The following ZYG11A variants were observed in gnomAD, a reference collection of about 807,000 sequenced individuals.
The protein encoded by ZYG11A is zyg-11 family member A, cell cycle regulator.
ZYG11A carries 62 observed loss-of-function variants against 77.2 expected under a neutral mutation model. That is an observed-to-expected ratio of 0.80 (90% CI 0.65 to 0.99). ZYG11A has a LOEUF of 0.99. Among genes scored for constraint, ZYG11A ranks in the 50% least tolerant of loss-of-function variants. ZYG11A has a pLI of 0.00. For synonymous variants in ZYG11A, 315 were observed against 324.6 expected (o/e 0.97, Z 0.32); for missense variants, 828 against 896.8 (o/e 0.92, Z 0.98).
intron 11 of ZYG11A, among the ~76,000 whole-genome samples, chr1:52,883,660 C>T (rs1358935265): frequency 6.6e-6 from 1 of 152,014 alleles, no homozygotes; most frequent in East Asian, 1.9e-4. Flanking sequence ...CTCCTGACCT[C>T]AAGGGATCTG....
At chr1:52,853,951 C>T (rs1489618567) in intron 1 of ZYG11A, among the ~76,000 whole-genome samples, 1 of 152,110 alleles carries the variant, frequency 6.6e-6, no homozygotes, top group African/African-American at 2.4e-5. Flanking sequence ...ACAGTATGTT[C>T]TCTCTGACTA....
intron 6 of ZYG11A, among the ~76,000 whole-genome samples, chr1:52,867,221 A>G (rs1646042752): frequency 6.6e-6 from 1 of 152,232 alleles, no homozygotes; most frequent in Admixed American, 6.5e-5. Flanking sequence ...TACTCAGATT[A>G]CAAATTGCTA....
chr1:52,842,983 G>A lies in ZYG11A; in HGVS notation c.90+10G>A, dbSNP rs1645478493. ...CTGCTGCGTGGTACAGGTGAGCACC[G>A]GGGTGCGGGCGGCGACGCGGACCTC... On this transcript the variant is annotated intron_variant, in intron 1 of 13. Coordinates refer to ENST00000371528, the MANE Select transcript of ZYG11A (RefSeq NM_001004339.3). 1.3e-6 allele frequency: 2 copies of A among 1,509,198 alleles called. No individual in the cohort carries two copies. The highest frequency in any genetic ancestry group is 2.3e-5 in the Admixed American group (1 of 44,116). 93.5% of individuals were successfully genotyped at this position (1,509,198 alleles called of 1,614,324 possible).
chr1:52,881,282 T>C (rs566537175), intron 10 of ZYG11A, 189 bp from the exon 11 acceptor site: 3 of 478,716 alleles, frequency 6.3e-6, no homozygotes, highest in Non-Finnish European at 1.1e-5. Context: ...TATTTAGTGA[T>C]TGTTGTTAAT....
intron 8 of ZYG11A, among the ~76,000 whole-genome samples, chr1:52,875,717 T>C (rs1488064921): frequency 6.7e-6 from 1 of 149,500 alleles, no homozygotes; most frequent in Non-Finnish European, 1.5e-5. Context: ...GCTGAATCTC[T>C]GTATGTGCAG....
rs1320106143 is a variant in ZYG11A at position 52,881,669 on chromosome 1, C to T, written c.1944+4C>T. 6.5e-7 allele frequency: 1 copy of T among 1,537,864 alleles called. No homozygotes were observed. Among genetic ancestry groups the T allele is most frequent in the Non-Finnish European group, 8.8e-7 (1 of 1,138,798 alleles). On this transcript the variant is annotated splice_donor_region_variant and intron_variant, in intron 11 of 13. Transcript: ENST00000371528. ...GCGTACTCTTCTCCAAGATCTGGTA[C>T]AGGAACCACATTCTTATTTATAAAA...
intron 11 of ZYG11A, among the ~76,000 whole-genome samples, chr1:52,883,052 T>A (rs1057365829): frequency 2.6e-4 from 39 of 151,950 alleles, no homozygotes; most frequent in Non-Finnish European, 4.9e-4. Context: ...ATCCTGTTTT[T>A]GTTTCATAGT....
rs77502819 is a variant in ZYG11A, at chr1:52,886,770, T to A, written c.2007-186T>A. Among the ~76,000 whole-genome samples the A allele has an allele frequency of 7.3e-3, 1,003 of 137,528 alleles. 8 individuals are homozygous for A. Among genetic ancestry groups the A allele is most frequent in the African/African-American group, 0.026 (942 of 36,712 alleles). 90.2% of individuals were successfully genotyped at this position (137,528 alleles called of 152,430 possible). The stretch of plus-strand genomic sequence containing the variant: ...CCTTGTTGCCTAGGCTGGTCCCGAA[T>A]TCCTAAGCTCAAGCAATCCACCTAC... On this transcript the variant is annotated intron_variant, in intron 12 of 13. Coordinates refer to ENST00000371528, the MANE Select transcript of ZYG11A (RefSeq NM_001004339.3).
At chr1:52,874,211 T>C (rs1646221265) in intron 8 of ZYG11A, among the ~76,000 whole-genome samples, 1 of 147,380 alleles carries the variant, frequency 6.8e-6, no homozygotes, top group Admixed American at 6.8e-5. Flanking sequence ...AAGGCTCAGG[T>C]GGTTTAGCGT....
Position 52,842,879 on chromosome 1 carries a change from T to A in ZYG11A, c.-5T>A. Reference sequence around the variant, plus strand: ...TCTTTTTGACGCCCCGCCGCCGGGGTTGCCATGGTTCATTTCTTGCACCCG... The same window carrying A: ...TCTTTTTGACGCCCCGCCGCCGGGGATGCCATGGTTCATTTCTTGCACCCG... On this transcript the variant is annotated 5_prime_UTR_variant, in exon 1 of 14. In the 5' UTR this introduces an upstream ATG that the reference lacks. Coordinates refer to ENST00000371528, the MANE Select transcript of ZYG11A (RefSeq NM_001004339.3). The A allele has an allele frequency of 6.5e-7, 1 of 1,529,168 alleles. No individual in the cohort carries two copies. The highest frequency in any genetic ancestry group is 8.8e-7 in the Non-Finnish European group (1 of 1,137,650). 94.7% of individuals were successfully genotyped at this position (1,529,168 alleles called of 1,614,324 possible).
chr1:52,860,058 A>AATTG (rs1181418337), intron 3 of ZYG11A, among the ~76,000 whole-genome samples: 2 of 152,250 alleles, frequency 1.3e-5, no homozygotes, highest in East Asian at 3.9e-4. Flanking sequence ...TCTGTTTCAT[A>AATTG]ATTGTTTTGG....
Position 52,857,677 on chromosome 1 carries a change from C to G in ZYG11A, c.936C>G (p.Ala312=), listed in dbSNP as rs532009976. Residue 312 remains alanine, a synonymous_variant, in exon 3 of 14, where the codon GCC becomes GCG. Coordinates refer to ENST00000371528, the MANE Select transcript of ZYG11A (RefSeq NM_001004339.3). ...AVELFIRLRP[A]MQFVGLLATD... ...AACTGTTTATACGACTGCGGCCTGC[C>G]ATGCAATTTGTGGGACTATTGGCCA... The G allele has an allele frequency of 1.9e-6, 3 of 1,552,192 alleles. No individual in the cohort carries two copies. In the Admixed American group the frequency reaches 5.9e-5, roughly 30 times the overall value.
intron 13 of ZYG11A, among the ~76,000 whole-genome samples, 199 bp from the exon 14 acceptor site, chr1:52,892,583 C>A (rs566225207): frequency 6.6e-6 from 1 of 151,876 alleles, no homozygotes; most frequent in Non-Finnish European, 1.5e-5. Context: ...AGTAAACATA[C>A]TAAAATGAGC....
intron 1 of ZYG11A, 118 bp downstream of exon 1, chr1:52,843,091 G>C (rs1645482511): frequency 1.2e-6 from 1 of 866,270 alleles, no homozygotes; most frequent in Non-Finnish European, 1.6e-6. Context: ...GCCCGCGCGG[G>C]GCTGCGGTCT....
At chr1:52,879,243 T>C (rs1342513118) in intron 10 of ZYG11A, among the ~76,000 whole-genome samples, 1 of 152,156 alleles carries the variant, frequency 6.6e-6, no homozygotes, top group Non-Finnish European at 1.5e-5. Flanking sequence ...TACGGATGCA[T>C]GAAATATGTC....
chr1:52,886,699 A>ATTTTTTTTTTTTTTT (rs386366962), intron 12 of ZYG11A, among the ~76,000 whole-genome samples: 1 of 69,136 alleles, frequency 1.4e-5, no homozygotes, highest in Non-Finnish European at 2.6e-5. Flanking sequence ...GGCCCAGCTA[A>ATTTTTTTTTTTTTTT]TTTTTTTTTT....
chr1:52,847,688 T>G (rs1210525805), intron 1 of ZYG11A, among the ~76,000 whole-genome samples: 1 of 150,602 alleles, frequency 6.6e-6, no homozygotes, highest in Non-Finnish European at 1.5e-5. Flanking sequence ...TTTTTTTCCT[T>G]GGGACGGAGT....
chr1:52,856,068 A>G (rs1277808716), intron 2 of ZYG11A, among the ~76,000 whole-genome samples: 2 of 152,178 alleles, frequency 1.3e-5, no homozygotes, highest in Non-Finnish European at 2.9e-5. Flanking sequence ...ACTATTTTAC[A>G]TTCCCATCAG....
chr1:52,864,244 A>G, intron 5 of ZYG11A, 87 bp downstream of exon 5: 1 of 1,349,510 alleles, frequency 7.4e-7, no homozygotes, highest in Non-Finnish European at 1.0e-6. Flanking sequence ...GCCGTGGCAC[A>G]ATTTGTTTTT....
Sources: gnomAD v4.1 joint callset for allele counts (sites outside exome capture counted in the v4.1 genomes callset) on GRCh38, gnomAD v4.1.1 for gene constraint, MANE v1.5 for transcripts, NCBI Gene and HGNC (gene_info 2026-07-23, HGNC 2026-07-21) for gene names.